Variants in KIAA2012 observed in about 807,000 individuals in gnomAD.
The protein encoded by KIAA2012 is uncharacterized protein KIAA2012.
In KIAA2012, 125 loss-of-function variants were observed where a neutral mutation model predicts 150.6. The observed-to-expected ratio is 0.83, with a 90% confidence interval of 0.72 to 0.96. The LOEUF is 0.96. Ranked by LOEUF, KIAA2012 falls within the 40% of genes least tolerant of loss-of-function variation. The pLI is 0.00. For synonymous variants in KIAA2012, 462 were observed against 504.7 expected (o/e 0.92, Z 1.13); for missense variants, 1,219 against 1,354.9 (o/e 0.90, Z 1.57).
At chr2:202,073,831 A>C (rs1325123703) in intron 1 of KIAA2012, 120 bp downstream of exon 1, 29 of 757,886 alleles carry the variant, frequency 3.8e-5, no homozygotes, top group Non-Finnish European at 6.2e-5. Flanking sequence ...TGGCGGGGTC[A>C]CTGGAAGATC....
At chr2:202,156,439 G>A (rs1267219220) in intron 14 of KIAA2012, among the ~76,000 whole-genome samples, 2 of 152,120 alleles carry the variant, frequency 1.3e-5, no homozygotes, top group Non-Finnish European at 2.9e-5. Flanking sequence ...TTGAGCACCT[G>A]CTATCTACTA....
chr2:202,080,930 C>T (rs920038354), intron 2 of KIAA2012, among the ~76,000 whole-genome samples: 4 of 152,186 alleles, frequency 2.6e-5, no homozygotes, highest in East Asian at 1.9e-4. Flanking sequence ...CAATCATTAC[C>T]GTCATCCATT....
At chr2:202,096,832 T>C (rs16838808) in intron 4 of KIAA2012, among the ~76,000 whole-genome samples, 7,371 of 152,304 alleles carry the variant, frequency 0.048, 630 homozygotes, top group African/African-American at 0.17. Flanking sequence ...AAACCATTGA[T>C]GAAAGACTTG....
rs557166666 is a variant in KIAA2012 at position 202,158,728 on chromosome 2, A to T, written c.2046+3918A>T. 2.9e-3 allele frequency among the ~76,000 whole-genome samples: 436 copies of T among 152,332 alleles called. 2 individuals are homozygous for T. Among genetic ancestry groups the T allele is most frequent in the Non-Finnish European group, 5.5e-3 (375 of 68,034 alleles). On this transcript the variant is annotated intron_variant, in intron 14 of 23. Coordinates refer to ENST00000498697, the MANE Select transcript of KIAA2012 (RefSeq NM_001277372.4). ...TTTTGAACCATGTTTTTAAAAACTC[A>T]ATTTGTGTTTTTTCAAAAAGAAATG...
chr2:202,112,287 T>C (rs997162202), intron 10 of KIAA2012, among the ~76,000 whole-genome samples: 1 of 152,094 alleles, frequency 6.6e-6, no homozygotes, highest in South Asian at 2.1e-4. Context: ...ATTGATAAGC[T>C]TCAGCATTGC....
intron 11 of KIAA2012, chr2:202,116,148 G>A (rs910938436): frequency 6.6e-6 from 1 of 152,190 alleles, no homozygotes; most frequent in African/African-American, 2.4e-5. Context: ...CTTTTATTCA[G>A]AAGTTTGTTT....
chr2:202,204,035 C>T (rs1317907079), intron 23 of KIAA2012, among the ~76,000 whole-genome samples: 3 of 151,082 alleles, frequency 2.0e-5, no homozygotes, highest in East Asian at 1.9e-4. Context: ...TCCCAGAGTG[C>T]TGGGATTACA....
chr2:202,125,460 A>G (rs1160118740), intron 12 of KIAA2012, among the ~76,000 whole-genome samples, 178 bp downstream of exon 12: 3 of 152,180 alleles, frequency 2.0e-5, no homozygotes, highest in African/African-American at 4.8e-5. Flanking sequence ...TGAGTTACTC[A>G]TGGACAGCCC....
chr2:202,144,594 A>G (rs1177861442), intron 13 of KIAA2012, among the ~76,000 whole-genome samples: 1 of 152,138 alleles, frequency 6.6e-6, no homozygotes, highest in Non-Finnish European at 1.5e-5. Context: ...CTTTTATTTC[A>G]GTGTCCTTTT....
chr2:202,193,175 G>A, intron 19 of KIAA2012, 126 bp from the exon 20 acceptor site: 1 of 958,942 alleles, frequency 1.0e-6, no homozygotes, highest in Non-Finnish European at 1.6e-6. Flanking sequence ...GCAGCTGTGG[G>A]CAAAGTGTGG....
Position 202,148,922 on chromosome 2 carries a change from C to T in KIAA2012, c.1909-5751C>T, listed in dbSNP as rs557504791. 1.2e-4 allele frequency among the ~76,000 whole-genome samples: 18 copies of T among 152,238 alleles called. No individual in the cohort carries two copies. In the East Asian group the frequency reaches 1.9e-3, roughly 16 times the overall value. On this transcript the variant is annotated intron_variant, in intron 13 of 23. Coordinates refer to ENST00000498697, the MANE Select transcript of KIAA2012 (RefSeq NM_001277372.4). ...AGGCAGTCCCATCTCAGGGAGCCCACGGAGTCCCAGGTACGCTCAGCCCCA... is the reference window on the plus strand; with the variant it reads ...AGGCAGTCCCATCTCAGGGAGCCCATGGAGTCCCAGGTACGCTCAGCCCCA...
At chr2:202,086,183 A>AAAAAG (rs1553550442) in intron 2 of KIAA2012, among the ~76,000 whole-genome samples, 3 of 150,322 alleles carry the variant, frequency 2.0e-5, no homozygotes, top group Admixed American at 6.6e-5. Context: ...AAAAAAAAAA[A>AAAAAG]AAAGAAAGAA....
intron 11 of KIAA2012, among the ~76,000 whole-genome samples, chr2:202,117,677 A>G (rs1690559737): frequency 6.6e-6 from 1 of 152,242 alleles, no homozygotes. Flanking sequence ...CAGTCCTCAC[A>G]GCACATGTCC....
intron 2 of KIAA2012, among the ~76,000 whole-genome samples, chr2:202,080,863 AT>A (rs1689436760): frequency 6.6e-6 from 1 of 152,160 alleles, no homozygotes; most frequent in South Asian, 2.1e-4. Flanking sequence ...GAAATTTACC[AT>A]TTTAACCATT....
intron 15 of KIAA2012, chr2:202,179,929 C>T: frequency 1.3e-6 from 1 of 798,160 alleles, no homozygotes; most frequent in South Asian, 1.3e-5. Flanking sequence ...TTGGAATCTT[C>T]AACGAAGCTG....
At chr2:202,164,647 C>T (rs1374569704) in intron 14 of KIAA2012, among the ~76,000 whole-genome samples, 1 of 152,184 alleles carries the variant, frequency 6.6e-6, no homozygotes, top group African/African-American at 2.4e-5. Context: ...AGACCAAAGT[C>T]CTCAACCTGC....
At chr2:202,204,205 T>C (rs960959368) in intron 23 of KIAA2012, among the ~76,000 whole-genome samples, 4 of 151,794 alleles carry the variant, frequency 2.6e-5, no homozygotes, top group African/African-American at 9.7e-5. Flanking sequence ...GCCTCCCAAG[T>C]AGCTGAGACT....
chr2:202,151,647 G>C (rs1691429951), intron 13 of KIAA2012, among the ~76,000 whole-genome samples: 1 of 152,186 alleles, frequency 6.6e-6, no homozygotes, highest in African/African-American at 2.4e-5. Context: ...TTGCTTATGT[G>C]TGTGTTTGTT....
intron 14 of KIAA2012, among the ~76,000 whole-genome samples, chr2:202,159,141 C>T (rs1483570735): frequency 6.6e-6 from 1 of 152,094 alleles, no homozygotes; most frequent in African/African-American, 2.4e-5. Flanking sequence ...GGGGCTGCCC[C>T]GAAACCTGTG....
Sources: gnomAD v4.1 joint callset for allele counts (sites outside exome capture counted in the v4.1 genomes callset) on GRCh38, gnomAD v4.1.1 for gene constraint, MANE v1.5 for transcripts, NCBI Gene and HGNC (gene_info 2026-07-23, HGNC 2026-07-21) for gene names.